The following VPS8 variants were observed in gnomAD, a reference collection of about 807,000 sequenced individuals.
The protein encoded by VPS8 is VPS8 subunit of CORVET complex.
VPS8 carries 129 observed loss-of-function variants against 216.4 expected under a neutral mutation model. That is an observed-to-expected ratio of 0.60 (90% CI 0.52 to 0.69). The LOEUF (loss-of-function observed/expected upper bound fraction) is 0.69. Among genes scored for constraint, VPS8 ranks in the 30% least tolerant of loss-of-function variants. The pLI is 0.00. For missense variants in VPS8, 1,531 were observed against 1,683.5 expected, an observed-to-expected ratio of 0.91 and a Z score of 1.59; for synonymous variants, 571 against 565.4, an observed-to-expected ratio of 1.01 and a Z score of -0.14.
At chr3:184,929,810 G>T (rs930043595) in intron 33 of VPS8, 146 bp downstream of exon 33, 15 of 531,462 alleles carry the variant, frequency 2.8e-5, no homozygotes, top group Non-Finnish European at 4.5e-5. Flanking sequence ...TTGCAGTTTT[G>T]GAATGTATAA....
intron 16 of VPS8, among the ~76,000 whole-genome samples, chr3:184,864,147 G>T (rs1369704160): frequency 6.6e-6 from 1 of 151,882 alleles, no homozygotes. Flanking sequence ...GAAGGGAGGG[G>T]GAGGGGAAGG....
intron 36 of VPS8, among the ~76,000 whole-genome samples, chr3:184,943,748 A>G (rs2109346591): frequency 6.6e-6 from 1 of 152,344 alleles, no homozygotes; most frequent in Non-Finnish European, 1.5e-5. Flanking sequence ...CTTGCCGCCA[A>G]CACCTGAGTT....
At chr3:184,919,165 C>T (rs1314117784) in intron 28 of VPS8, 1 of 152,210 alleles carries the variant, frequency 6.6e-6, no homozygotes, top group African/African-American at 2.4e-5. Context: ...AGAACAGTAA[C>T]TACTCTTGTT....
chr3:185,017,323 T>C (rs111355208), intron 45 of VPS8, among the ~76,000 whole-genome samples: 2,159 of 152,292 alleles, frequency 0.014, 51 homozygotes, highest in African/African-American at 0.048. Flanking sequence ...TCTGCTCCTG[T>C]ATCTACCAAA....
At chr3:184,847,586 G>A (rs1430308481) in intron 8 of VPS8, among the ~76,000 whole-genome samples, 1 of 152,172 alleles carries the variant, frequency 6.6e-6, no homozygotes, top group Non-Finnish European at 1.5e-5. Flanking sequence ...CAGTGCTGGG[G>A]AAGTTGCGAA....
intron 36 of VPS8, among the ~76,000 whole-genome samples, chr3:184,956,560 G>T (rs1205118615): frequency 6.6e-6 from 1 of 152,160 alleles, no homozygotes; most frequent in East Asian, 1.9e-4. Flanking sequence ...GAGAAGATAG[G>T]ACTCTCAGAA....
chr3:184,911,859 G>A (rs1274239310), intron 25 of VPS8, among the ~76,000 whole-genome samples: 1 of 152,112 alleles, frequency 6.6e-6, no homozygotes, highest in Non-Finnish European at 1.5e-5. Flanking sequence ...CCAGTTAACT[G>A]ATAAGGTACT....
chr3:184,886,665 C>T (rs954706282), intron 22 of VPS8, among the ~76,000 whole-genome samples: 4 of 151,854 alleles, frequency 2.6e-5, no homozygotes, highest in East Asian at 1.9e-4. Context: ...CTGCAACCTC[C>T]GCCTCCCGGG....
chr3:184,977,900 T>TA (rs397774068), intron 40 of VPS8, among the ~76,000 whole-genome samples: 7 of 149,838 alleles, frequency 4.7e-5, no homozygotes, highest in Non-Finnish European at 1.0e-4. Context: ...TTTTTTTTTT[T>TA]ATTGTGTCTC....
chr3:184,878,773 A>C (rs1167023965), intron 21 of VPS8, among the ~76,000 whole-genome samples: 1 of 152,200 alleles, frequency 6.6e-6, no homozygotes, highest in African/African-American at 2.4e-5. Context: ...AAAAATACAT[A>C]CACACATATA....
intron 5 of VPS8, chr3:184,836,410 A>AT: frequency 2.3e-6 from 1 of 427,240 alleles, no homozygotes; most frequent in South Asian, 1.7e-5. Context: ...TTTTAAAAAT[A>AT]TTTTGAGTAA....
At chr3:184,860,211 C>A (rs1054604303) in intron 15 of VPS8, 146 bp downstream of exon 15, 1 of 700,732 alleles carries the variant, frequency 1.4e-6, no homozygotes, top group Non-Finnish European at 2.3e-6. Flanking sequence ...GAGGCTCGTG[C>A]CTGTAGTCCC....
At chr3:184,859,818 T>A (rs577483245) in intron 14 of VPS8, among the ~76,000 whole-genome samples, 167 bp from the exon 15 acceptor site, 20 of 152,300 alleles carry the variant, frequency 1.3e-4, no homozygotes, top group African/African-American at 4.6e-4. Context: ...AACAAATAAT[T>A]TTTTTTCTAT....
At chr3:185,036,544 C>T (rs1758914702) in intron 46 of VPS8, among the ~76,000 whole-genome samples, 1 of 151,522 alleles carries the variant, frequency 6.6e-6, no homozygotes, top group Non-Finnish European at 1.5e-5. Context: ...TGCTGTATAT[C>T]TTTTTGATGA....
chr3:184,819,260 G>T (rs1717021500), intron 1 of VPS8, among the ~76,000 whole-genome samples: 1 of 152,122 alleles, frequency 6.6e-6, no homozygotes, highest in Non-Finnish European at 1.5e-5. Context: ...AGCATACTGG[G>T]TAATTATGAT....
chr3:184,971,044 G>A (rs746679340), intron 39 of VPS8, among the ~76,000 whole-genome samples: 4 of 152,216 alleles, frequency 2.6e-5, no homozygotes, highest in Non-Finnish European at 5.9e-5. Context: ...AGGAGGAGGA[G>A]CAGATTTGAA....
At chr3:184,863,272 T>C (rs1296840630) in intron 16 of VPS8, among the ~76,000 whole-genome samples, 1 of 152,206 alleles carries the variant, frequency 6.6e-6, no homozygotes, top group Non-Finnish European at 1.5e-5. Flanking sequence ...TTTCTTCCCT[T>C]CTATTCAGAA....
At position 184,894,686 on chromosome 3, in the gene VPS8, C is replaced by G. The variant is rs1257537980; in HGVS notation, c.1782-17C>G. On this transcript the variant is annotated splice_polypyrimidine_tract_variant and intron_variant, in intron 22 of 47. Coordinates refer to ENST00000625842, the MANE Select transcript of VPS8 (RefSeq NM_001009921.3). Reference sequence around the variant, plus strand: ...GGCATGTTCCTAAAAGTTTTTCTCCCCCCCTTTCTGTTACAGGGATCTTTT... The same window carrying G: ...GGCATGTTCCTAAAAGTTTTTCTCCGCCCCTTTCTGTTACAGGGATCTTTT... The G allele has an allele frequency of 6.4e-7, 1 of 1,563,688 alleles. No homozygotes were observed. The highest frequency in any genetic ancestry group is 1.2e-5 in the South Asian group (1 of 85,018).
chr3:184,866,988 A>G, intron 17 of VPS8, 38 bp downstream of exon 17: 3 of 1,592,492 alleles, frequency 1.9e-6, no homozygotes, highest in Non-Finnish European at 2.6e-6. Context: ...ATTTGTATGT[A>G]TCAGGGTAGT....
Sources: allele counts gnomAD v4.1 joint callset (sites outside exome capture counted in the v4.1 genomes callset), GRCh38; gene constraint gnomAD v4.1.1; transcripts MANE v1.5; gene names NCBI Gene and HGNC (gene_info 2026-07-23, HGNC 2026-07-21).